CHKA: variants seen among roughly 807,000 people sequenced by gnomAD.
The protein encoded by CHKA is CHETK-alpha.
Under a neutral mutation model 60.1 loss-of-function variants are expected in CHKA, and 34 were observed. That is an observed-to-expected ratio of 0.57 (90% confidence interval 0.43 to 0.75). The LOEUF is 0.75. Ranked by LOEUF, CHKA falls within the 30% of genes least tolerant of loss-of-function variation. The pLI, the probability that CHKA is intolerant of heterozygous loss-of-function variation, is 0.00. For synonymous variants in CHKA, 217 were observed against 223.1 expected, an observed-to-expected ratio of 0.97 and a Z score of 0.24; for missense variants, 563 against 561.3, an observed-to-expected ratio of 1.00 and a Z score of -0.03.
chr11:68,115,738 A>C (rs1858359437), intron 1 of CHKA, among the ~76,000 whole-genome samples: 1 of 152,188 alleles, frequency 6.6e-6, no homozygotes, highest in African/African-American at 2.4e-5. Context: ...AGGAAGAAAG[A>C]AAAAGAAAGC....
Position 68,084,989 on chromosome 11 carries a change from C to A in CHKA, c.463-3532G>T, listed in dbSNP as rs1173876495. On this transcript the variant is annotated intron_variant, in intron 2 of 11. Transcript: ENST00000265689. The stretch of plus-strand genomic sequence containing the variant: ...TAAGACACCCAACTCCATAAATACA[C>A]TGAAAACCACTGAATTCTACACTTA... Among the ~76,000 whole-genome samples, 6 of 152,206 alleles carry A rather than the reference C, an allele frequency of 3.9e-5. 1 individual carries two copies. Among genetic ancestry groups the A allele is most frequent in the Admixed American group, 3.9e-4 (6 of 15,286 alleles).
chr11:68,121,223 G>T lies in CHKA; in HGVS notation c.-46C>A. The T allele has an allele frequency of 1.8e-6, 2 of 1,113,120 alleles. No individual in the cohort carries two copies. The highest frequency in any genetic ancestry group is 2.2e-6 in the Non-Finnish European group (2 of 911,932). 69.0% of individuals were successfully genotyped at this position (1,113,120 alleles called of 1,614,324 possible). A position where few individuals can be genotyped will look rare whatever the true frequency, so the allele number is the denominator to read the frequency against. ...GGCGCGGGCGGCCGCAGCGCGAGAG[G>T]ACTAGGCTCAGAGTCCGGCCGGGCG... On this transcript the variant is annotated 5_prime_UTR_variant, in exon 1 of 12. Transcript: ENST00000265689.
intron 3 of CHKA, among the ~76,000 whole-genome samples, chr11:68,076,962 G>C (rs1856812814): frequency 6.6e-6 from 1 of 152,208 alleles, no homozygotes; most frequent in Non-Finnish European, 1.5e-5. Flanking sequence ...ATGAGGCCGG[G>C]TGCGGTGGCT....
chr11:68,105,828 C>T (rs1293981119), intron 1 of CHKA, among the ~76,000 whole-genome samples: 1 of 152,152 alleles, frequency 6.6e-6, no homozygotes, highest in African/African-American at 2.4e-5. Context: ...GTCTACAAGT[C>T]ACAGGGTACC....
At chr11:68,109,609 C>G in intron 1 of CHKA, among the ~76,000 whole-genome samples, 1 of 152,112 alleles carries the variant, frequency 6.6e-6, no homozygotes, top group East Asian at 1.9e-4. Flanking sequence ...GGTGCACAGG[C>G]TCACCAAAAG....
chr11:68,054,960 C>G (rs1463249208), intron 11 of CHKA, among the ~76,000 whole-genome samples: 1 of 152,248 alleles, frequency 6.6e-6, no homozygotes, highest in Non-Finnish European at 1.5e-5. Flanking sequence ...CGTGCTGTCT[C>G]TGAGTGGCCT....
At chr11:68,071,687 C>A (rs1230474813) in intron 4 of CHKA, among the ~76,000 whole-genome samples, 1 of 152,234 alleles carries the variant, frequency 6.6e-6, no homozygotes, top group Non-Finnish European at 1.5e-5. Flanking sequence ...GGCTTTAATT[C>A]TCATTTCAAA....
chr11:68,111,037 G>A (rs1204605437), intron 1 of CHKA, among the ~76,000 whole-genome samples: 1 of 151,396 alleles, frequency 6.6e-6, no homozygotes, highest in Non-Finnish European at 1.5e-5. Flanking sequence ...AGTTTATCAG[G>A]AGAGGCAAAA....
intron 1 of CHKA, among the ~76,000 whole-genome samples, chr11:68,111,591 T>A (rs373793106): frequency 1.3e-5 from 2 of 151,808 alleles, no homozygotes; most frequent in African/African-American, 4.8e-5. Context: ...AAAAGCTACA[T>A]TAATTAAAAC....
chr11:68,065,735 T>A lies in CHKA; in HGVS notation c.1125+51A>T, dbSNP rs776541510. 1.5e-5 allele frequency: 18 copies of A among 1,235,364 alleles called. No individual in the cohort carries two copies. In the East Asian group the frequency reaches 4.0e-4, roughly 28 times the overall value. 76.5% of individuals were successfully genotyped at this position (1,235,364 alleles called of 1,614,324 possible). On this transcript the variant is annotated intron_variant, in intron 9 of 11. Coordinates refer to ENST00000265689, the MANE Select transcript of CHKA (RefSeq NM_001277.3). ...AAAAGAAGATGTAATTCTAACTGCATGAAATTGACATGTAATTTTCCTATC... is the reference window on the plus strand; with the variant it reads ...AAAAGAAGATGTAATTCTAACTGCAAGAAATTGACATGTAATTTTCCTATC...
intron 2 of CHKA, among the ~76,000 whole-genome samples, chr11:68,087,384 A>T (rs7123668): frequency 1.3e-5 from 2 of 151,740 alleles, no homozygotes; most frequent in Non-Finnish European, 2.9e-5. Context: ...TGGAAGGCTG[A>T]GGCGGGAGAA....
chr11:68,117,915 G>T lies in CHKA; in HGVS notation c.350+2913C>A, dbSNP rs372886330. ...TGGGGATACAAAAGTAGCTCATCAG[G>T]TTTGAGTTACAACTGTGTGCAGAGG... On this transcript the variant is annotated intron_variant, in intron 1 of 11. Coordinates refer to ENST00000265689, the MANE Select transcript of CHKA (RefSeq NM_001277.3). 9.2e-5 allele frequency among the ~76,000 whole-genome samples: 14 copies of T among 152,284 alleles called. No homozygotes were observed. The South Asian group carries it at 2.9e-3, about 32-fold the overall frequency.
At chr11:68,067,888 T>C (rs1174937080) in intron 7 of CHKA, among the ~76,000 whole-genome samples, 3 of 152,224 alleles carry the variant, frequency 2.0e-5, no homozygotes, top group East Asian at 1.9e-4. Flanking sequence ...CGAGTCTTCA[T>C]GAGAAACTGT....
Position 68,070,744 on chromosome 11 carries a change from C to T in CHKA, c.744G>A (p.Trp248Ter). 6.2e-7 allele frequency: 1 copy of T among 1,611,382 alleles called. No individual in the cohort carries two copies. Among genetic ancestry groups the T allele is most frequent in the Non-Finnish European group, 8.5e-7 (1 of 1,177,786 alleles). Residue 248 changes from tryptophan (W) to a stop codon, truncating the protein, a stop_gained, in exon 5 of 12, where the codon TGG (tryptophan) becomes TGA (stop). Transcript: ENST00000265689. LOFTEE classifies it high-confidence loss of function. ...CTTACTTTTCCATTGTGCCAAAAAG[C>T]CATTTTGGTTCCTTATTGAATGGCA... The part of the protein sequence containing the change: ...MKMPFNKEPK[W>*]LFGTMEKYLK...
intron 11 of CHKA, among the ~76,000 whole-genome samples, chr11:68,057,184 G>A (rs1345617843): frequency 1.3e-5 from 2 of 152,218 alleles, no homozygotes; most frequent in Non-Finnish European, 2.9e-5. Flanking sequence ...GGTGATGATT[G>A]TTGCTGATGA....
chr11:68,074,339 A>G (rs1012387270), intron 4 of CHKA, among the ~76,000 whole-genome samples: 4 of 152,176 alleles, frequency 2.6e-5, no homozygotes, highest in East Asian at 1.9e-4. Context: ...AAGAACAGGC[A>G]TGGCCCCCAC....
At chr11:68,102,543 AAT>A (rs1304918204) in intron 1 of CHKA, among the ~76,000 whole-genome samples, 6 of 152,222 alleles carry the variant, frequency 3.9e-5, no homozygotes, top group African/African-American at 1.4e-4. Flanking sequence ...CATATACAAA[AAT>A]AAACTCCAAA....
intron 1 of CHKA, among the ~76,000 whole-genome samples, chr11:68,103,662 C>T (rs11228133): frequency 0.57 from 86,372 of 151,710 alleles, 24,705 homozygotes; most frequent in Middle Eastern, 0.7. Context: ...GTGTAATCCC[C>T]GCACTTTGGA....
chr11:68,084,318 A>G (rs1857090950), intron 2 of CHKA, among the ~76,000 whole-genome samples: 1 of 142,038 alleles, frequency 7.0e-6, no homozygotes, highest in African/African-American at 2.6e-5. Context: ...ATACATGTGT[A>G]TATATATACA....
Sources: gnomAD v4.1 joint callset for allele counts (sites outside exome capture counted in the v4.1 genomes callset) on GRCh38, gnomAD v4.1.1 for gene constraint, MANE v1.5 for transcripts, NCBI Gene and HGNC (gene_info 2026-07-23, HGNC 2026-07-21) for gene names.